MAP3K2: variants seen among roughly 807,000 people sequenced by gnomAD.
The protein encoded by MAP3K2 is MAP/ERK kinase kinase 2.
MAP3K2 carries 24 observed loss-of-function variants against 80.3 expected under a neutral mutation model. The ratio of observed to expected loss-of-function variants is 0.30; its 90% confidence interval spans 0.22 to 0.42. MAP3K2 has a LOEUF of 0.42. Among genes scored for constraint, MAP3K2 ranks in the 10% least tolerant of loss-of-function variants. The pLI, the probability that MAP3K2 is intolerant of heterozygous loss-of-function variation, is 1.00. For missense variants in MAP3K2, 608 were observed against 750.1 expected (o/e 0.81, Z 2.21); for synonymous variants, 244 against 253.7 (o/e 0.96, Z 0.36).
rs1685580966 is a variant in MAP3K2 at position 127,301,023 on chromosome 2, G to C, written c.*6556C>G. 6.6e-6 allele frequency: 1 copy of C among 152,182 alleles called. No homozygotes were observed. The highest frequency in any genetic ancestry group is 6.5e-5 in the Admixed American group (1 of 15,286). The allele number at this position is 152,182 out of a possible 1,614,324, so 9.4% of individuals were successfully genotyped here. A position where few individuals can be genotyped will look rare whatever the true frequency, so the allele number is the denominator to read the frequency against. ...TATTTAAAAAGAAGTGAACTTAAAAGTGCTTTTCGGTATGGTCATGAACTT... is the reference window on the plus strand; with the variant it reads ...TATTTAAAAAGAAGTGAACTTAAAACTGCTTTTCGGTATGGTCATGAACTT... On this transcript the variant is annotated 3_prime_UTR_variant, in exon 17 of 17. Coordinates refer to ENST00000682094, the MANE Select transcript of MAP3K2 (RefSeq NM_001371910.2).
chr2:127,301,563 T>C lies in MAP3K2; in HGVS notation c.*6016A>G, dbSNP rs770973087. ...ATTTTGGCTATGTGTACAGGGAATA[T>C]AAAAGCTTTGGTTTAAAGTGATTCT... is the stretch of plus-strand genomic sequence containing the variant. On this transcript the variant is annotated 3_prime_UTR_variant, in exon 17 of 17. Transcript: ENST00000682094. 2.0e-5 allele frequency: 3 copies of C among 152,214 alleles called. No individual in the cohort carries two copies. The highest frequency in any genetic ancestry group is 4.4e-5 in the Non-Finnish European group (3 of 68,028). The allele number at this position is 152,214 out of a possible 1,614,324, so 9.4% of individuals were successfully genotyped here.
chr2:127,318,048 CTTTT>C (rs11452548), intron 13 of MAP3K2, 117 bp downstream of exon 13: 4 of 578,324 alleles, frequency 6.9e-6, no homozygotes, highest in Non-Finnish European at 1.0e-5. Flanking sequence ...AAGAAAACTG[CTTTT>C]TTTTTTTTTT....
At chr2:127,361,372 A>G (rs1389516823) in intron 1 of MAP3K2, among the ~76,000 whole-genome samples, 1 of 152,006 alleles carries the variant, frequency 6.6e-6, no homozygotes, top group Non-Finnish European at 1.5e-5. Flanking sequence ...CCAACATTTT[A>G]AGTAATAATA....
In MAP3K2 at chr2:127,299,325, G is replaced by GT. The variant is rs1156674476; in HGVS notation, c.*8253dup. On this transcript the variant is annotated 3_prime_UTR_variant, in exon 17 of 17. Coordinates refer to ENST00000682094, the MANE Select transcript of MAP3K2 (RefSeq NM_001371910.2). ...ACAGTACAATATAAAGACACACAAC[G>GT]TATGTTTGGACATTTCAAAACCAAT... 3 of 152,098 alleles carry GT rather than the reference G, an allele frequency of 2.0e-5. No homozygotes were observed. The highest frequency in any genetic ancestry group is 4.8e-5 in the African/African-American group (2 of 41,418). 9.4% of individuals were successfully genotyped at this position (152,098 alleles called of 1,614,324 possible). A position where few individuals can be genotyped will look rare whatever the true frequency, so the allele number is the denominator to read the frequency against.
chr2:127,337,443 AT>A (rs1290847853), intron 4 of MAP3K2, among the ~76,000 whole-genome samples: 1 of 152,222 alleles, frequency 6.6e-6, no homozygotes, highest in African/African-American at 2.4e-5. Flanking sequence ...AATATATTTA[AT>A]TTCCCCCAAG....
In MAP3K2 at chr2:127,310,709, T is replaced by G. The variant is rs768199855; in HGVS notation, c.1457-1947A>C. Among the ~76,000 whole-genome samples, 23 of 152,134 alleles carry G rather than the reference T, an allele frequency of 1.5e-4. No homozygotes were observed. Among genetic ancestry groups the G allele is most frequent in the Non-Finnish European group, 2.8e-4 (19 of 68,016 alleles). ...CTAGGCTCACTTGTTTTTTATTCTC[T>G]ATTTTCACTCTTATCATTTTAAAAA... On this transcript the variant is annotated intron_variant, in intron 15 of 16. Transcript: ENST00000682094. The surrounding 1 kb of genome is among the most constrained non-coding windows in gnomAD (Gnocchi z 4.8).
At chr2:127,318,400 G>C in intron 12 of MAP3K2, 83 bp from the exon 13 acceptor site, 3 of 1,016,992 alleles carry the variant, frequency 2.9e-6, no homozygotes, top group Non-Finnish European at 4.0e-6. Flanking sequence ...TACTGCATTA[G>C]TGACATCCTT....
intron 5 of MAP3K2, among the ~76,000 whole-genome samples, chr2:127,334,041 A>G (rs1206114725): frequency 1.3e-5 from 2 of 152,228 alleles, no homozygotes; most frequent in Non-Finnish European, 2.9e-5. Flanking sequence ...CAAAGGTTGC[A>G]GTGAGGTGAG....
rs186079239 is a variant in MAP3K2 at position 127,360,279 on chromosome 2, C to T, written c.-65-17085G>A. The stretch of plus-strand genomic sequence containing the variant: ...GCTAGACTCTTCCCCACTTCAAAAA[C>T]AGTACACACATACACTGCATGACCC... On this transcript the variant is annotated intron_variant, in intron 1 of 16. Coordinates refer to ENST00000682094, the MANE Select transcript of MAP3K2 (RefSeq NM_001371910.2). Among the ~76,000 whole-genome samples, 14 of 151,614 alleles carry T rather than the reference C, an allele frequency of 9.2e-5. No individual in the cohort carries two copies. The East Asian group carries it at 2.3e-3, about 25-fold the overall frequency.
intron 1 of MAP3K2, among the ~76,000 whole-genome samples, chr2:127,354,730 C>A (rs535768824): frequency 2.0e-5 from 3 of 151,716 alleles, no homozygotes; most frequent in South Asian, 4.2e-4. Flanking sequence ...CAAAAAGTAC[C>A]AAATATGAAG....
Position 127,302,689 on chromosome 2 carries a change from G to A in MAP3K2, c.*4890C>T, listed in dbSNP as rs1160392997. 1 of 152,084 alleles carries A rather than the reference G, an allele frequency of 6.6e-6. No individual in the cohort carries two copies. The highest frequency in any genetic ancestry group is 1.5e-5 in the Non-Finnish European group (1 of 68,002). The allele number at this position is 152,084 out of a possible 1,614,324, so 9.4% of individuals were successfully genotyped here. Reference sequence around the variant, plus strand: ...TAACTCTACCATGAAAATCATAACTGAACTATAATATGCCAAGAACTTGGA... The same window carrying A: ...TAACTCTACCATGAAAATCATAACTAAACTATAATATGCCAAGAACTTGGA... On this transcript the variant is annotated 3_prime_UTR_variant, in exon 17 of 17. Coordinates refer to ENST00000682094, the MANE Select transcript of MAP3K2 (RefSeq NM_001371910.2).
intron 7 of MAP3K2, among the ~76,000 whole-genome samples, chr2:127,328,312 A>T (rs1473020614): frequency 2.6e-5 from 4 of 152,184 alleles, no homozygotes; most frequent in Non-Finnish European, 5.9e-5. Flanking sequence ...GCAATTTTTT[A>T]AAAAATGACA....
At chr2:127,353,707 C>A (rs1199265280) in intron 1 of MAP3K2, among the ~76,000 whole-genome samples, 1 of 151,962 alleles carries the variant, frequency 6.6e-6, no homozygotes, top group Non-Finnish European at 1.5e-5. Flanking sequence ...AAGTGAGGAG[C>A]CCCTCTGCCC....
In MAP3K2 at chr2:127,304,216, T is replaced by C. The variant is rs1375507367; in HGVS notation, c.*3363A>G. 1 of 152,168 alleles carries C rather than the reference T, an allele frequency of 6.6e-6. No individual in the cohort carries two copies. The highest frequency in any genetic ancestry group is 2.4e-5 in the African/African-American group (1 of 41,448). The allele number at this position is 152,168 out of a possible 1,614,324, so 9.4% of individuals were successfully genotyped here. A position where few individuals can be genotyped will look rare whatever the true frequency, so the allele number is the denominator to read the frequency against. ...GTCATTTTTTTAAGTTAGAAAGATG[T>C]TTTGTAAACAAGGAAAAGTGCTGAA... On this transcript the variant is annotated 3_prime_UTR_variant, in exon 17 of 17. Coordinates refer to ENST00000682094, the MANE Select transcript of MAP3K2 (RefSeq NM_001371910.2).
Position 127,377,900 on chromosome 2 carries a change from T to C in MAP3K2, c.-66+9552A>G, listed in dbSNP as rs144005814. On this transcript the variant is annotated intron_variant, in intron 1 of 16. Coordinates refer to ENST00000682094, the MANE Select transcript of MAP3K2 (RefSeq NM_001371910.2). ...ATACAGATTCAACTGCAGAATAAAA[T>C]ACTTGCCCAGGAGCCAGAGGTTGCA... Among the ~76,000 whole-genome samples, 4 of 152,250 alleles carry C rather than the reference T, an allele frequency of 2.6e-5. No homozygotes were observed. In the East Asian group the frequency reaches 7.7e-4, roughly 29 times the overall value.
In MAP3K2 at chr2:127,369,654, C is replaced by T. The variant is rs114954116; in HGVS notation, c.-66+17798G>A. On this transcript the variant is annotated intron_variant, in intron 1 of 16. Transcript: ENST00000682094. Reference sequence around the variant, plus strand: ...ACTTTTCCACAGAAAACACTGTCTCCGTGGGAGGGCTGTTCACAAATACTT... The same window carrying T: ...ACTTTTCCACAGAAAACACTGTCTCTGTGGGAGGGCTGTTCACAAATACTT... Among the ~76,000 whole-genome samples, 372 of 152,082 alleles carry T rather than the reference C, an allele frequency of 2.4e-3. 1 individual carries two copies. The highest frequency in any genetic ancestry group is 8.1e-3 in the African/African-American group (334 of 41,466).
intron 4 of MAP3K2, among the ~76,000 whole-genome samples, chr2:127,336,311 T>A (rs1319333177): frequency 6.6e-6 from 1 of 152,226 alleles, no homozygotes. Flanking sequence ...GACATCTGTA[T>A]GACAGAATGA....
chr2:127,347,965 T>C (rs6708102), intron 1 of MAP3K2, among the ~76,000 whole-genome samples: 5,169 of 152,216 alleles, frequency 0.034, 129 homozygotes, highest in Middle Eastern at 0.071. Context: ...CTATTGTATA[T>C]ACCCAAGAGA....
intron 12 of MAP3K2, among the ~76,000 whole-genome samples, chr2:127,319,067 GGT>G (rs1159397509): frequency 6.6e-6 from 1 of 152,090 alleles, no homozygotes; most frequent in African/African-American, 2.4e-5. Flanking sequence ...CTCCCTTGGT[GGT>G]CAAGGCCTGG....
Sources: allele counts gnomAD v4.1 joint callset (sites outside exome capture counted in the v4.1 genomes callset), GRCh38; gene constraint gnomAD v4.1.1; non-coding constraint Gnocchi (gnomAD v3.1); transcripts MANE v1.5; gene names NCBI Gene and HGNC (gene_info 2026-07-23, HGNC 2026-07-21).